Variants in CFAP20DC observed in about 807,000 individuals in gnomAD.
CFAP20DC encodes protein CFAP20DC.
CFAP20DC carries 84 observed loss-of-function variants against 101.7 expected under a neutral mutation model. That is an observed-to-expected ratio of 0.83 (90% confidence interval 0.69 to 0.99). The LOEUF is 0.99. CFAP20DC is among the 50% of genes least tolerant of loss of function. The pLI, the probability that CFAP20DC is intolerant of heterozygous loss-of-function variation, is 0.00. For missense variants in CFAP20DC, 1,007 were observed against 970.3 expected (o/e 1.04, Z -0.50); for synonymous variants, 359 against 351.2 (o/e 1.02, Z -0.25).
At chr3:58,850,350 G>T (rs1362135720) in intron 12 of CFAP20DC, among the ~76,000 whole-genome samples, 1 of 152,030 alleles carries the variant, frequency 6.6e-6, no homozygotes. Context: ...ACTTTCAGAG[G>T]CCAAGGCAGG....
At chr3:58,870,348 G>T (rs761357782) in intron 7 of CFAP20DC, 39 bp from the exon 8 acceptor site, 47 of 1,593,278 alleles carry the variant, frequency 2.9e-5, no homozygotes, top group Admixed American at 1.0e-4. Context: ...TCCATTAATG[G>T]GTGTAATGAC....
At chr3:58,840,177 A>G (rs1463964377) in intron 13 of CFAP20DC, among the ~76,000 whole-genome samples, 1 of 152,238 alleles carries the variant, frequency 6.6e-6, no homozygotes, top group African/African-American at 2.4e-5. Context: ...CCAGCAGTGC[A>G]TTGACAGATA....
chr3:59,005,884 A>G (rs905698972), intron 4 of CFAP20DC, among the ~76,000 whole-genome samples: 1 of 152,222 alleles, frequency 6.6e-6, no homozygotes, highest in African/African-American at 2.4e-5. Flanking sequence ...CATTTACAAA[A>G]TATCCTAGAT....
chr3:58,987,171 A>C lies in CFAP20DC; in HGVS notation c.279-49409T>G, dbSNP rs776927846. 2.0e-5 allele frequency among the ~76,000 whole-genome samples: 3 copies of C among 152,152 alleles called. No individual in the cohort carries two copies. In the South Asian group the frequency reaches 6.2e-4, roughly 31 times the overall value. On this transcript the variant is annotated intron_variant, in intron 4 of 16. Transcript: ENST00000482387. The stretch of plus-strand genomic sequence containing the variant: ...AGAAACAAGGAGATGGATGGGATAC[A>C]ACTGGAGTTAAAGCTTTCTTAGGTA...
Position 58,988,265 on chromosome 3 carries a change from C to A in CFAP20DC, c.279-50503G>T, listed in dbSNP as rs560460023. 2.6e-5 allele frequency among the ~76,000 whole-genome samples: 4 copies of A among 152,138 alleles called. No individual in the cohort carries two copies. In the East Asian group the frequency reaches 7.7e-4, roughly 29 times the overall value. On this transcript the variant is annotated intron_variant, in intron 4 of 16. Transcript: ENST00000482387. ...TTCAACACCCATGAATAATAACAAG[C>A]TTTAGCAAACTAGAAAAGTAAGCAC...
chr3:58,968,043 G>A (rs1216710273), intron 4 of CFAP20DC, among the ~76,000 whole-genome samples: 2 of 152,138 alleles, frequency 1.3e-5, no homozygotes, highest in Non-Finnish European at 2.9e-5. Context: ...ACATGATCTT[G>A]TTCTTTTTTA....
chr3:58,855,819 A>C (rs1357120142), intron 12 of CFAP20DC, among the ~76,000 whole-genome samples: 1 of 120,208 alleles, frequency 8.3e-6, no homozygotes, highest in African/African-American at 3.3e-5. Context: ...GGAACATCAC[A>C]GTCTGGGGAC....
chr3:59,022,593 A>G (rs1254631237), intron 4 of CFAP20DC, among the ~76,000 whole-genome samples: 1 of 152,128 alleles, frequency 6.6e-6, no homozygotes, highest in Admixed American at 6.6e-5. Flanking sequence ...AGAGAATGGT[A>G]ATGTCTATGT....
chr3:58,855,438 A>T (rs1333431937), intron 12 of CFAP20DC, among the ~76,000 whole-genome samples: 1 of 152,156 alleles, frequency 6.6e-6, no homozygotes, highest in African/African-American at 2.4e-5. Flanking sequence ...GCGATTCCTC[A>T]GGGATCTAGA....
rs370112571 is a variant in CFAP20DC, at chr3:59,010,392, G to A, written c.278+29165C>T. On this transcript the variant is annotated intron_variant, in intron 4 of 16. Coordinates refer to ENST00000482387, the MANE Select transcript of CFAP20DC (RefSeq NM_001394063.1). Reference sequence around the variant, plus strand: ...TATTCCATGTAAATGGAAACCAAAAGCAAGCAGAAGTAGCTATTCTTTTAT... The same window carrying A: ...TATTCCATGTAAATGGAAACCAAAAACAAGCAGAAGTAGCTATTCTTTTAT... Among the ~76,000 whole-genome samples, 5 of 151,996 alleles carry A rather than the reference G, an allele frequency of 3.3e-5. No individual in the cohort carries two copies. The East Asian group carries it at 5.8e-4, about 18-fold the overall frequency.
At chr3:58,852,502 A>G (rs2078341691) in intron 12 of CFAP20DC, among the ~76,000 whole-genome samples, 1 of 152,140 alleles carries the variant, frequency 6.6e-6, no homozygotes. Flanking sequence ...ATAGACATCT[A>G]CAGAACTCTC....
At chr3:58,933,690 T>G (rs1179581540) in intron 5 of CFAP20DC, among the ~76,000 whole-genome samples, 1 of 151,604 alleles carries the variant, frequency 6.6e-6, no homozygotes, top group East Asian at 1.9e-4. Flanking sequence ...CATAATGAAA[T>G]GAAGGCAGAA....
chr3:59,020,982 C>T (rs2093792629), intron 4 of CFAP20DC, among the ~76,000 whole-genome samples: 1 of 151,922 alleles, frequency 6.6e-6, no homozygotes, highest in Non-Finnish European at 1.5e-5. Context: ...TATTTGTGAC[C>T]CCAAACATCT....
chr3:58,763,571 T>C (rs980158439), intron 15 of CFAP20DC, among the ~76,000 whole-genome samples: 3 of 152,242 alleles, frequency 2.0e-5, no homozygotes, highest in African/African-American at 7.2e-5. Flanking sequence ...CTTTGTTCCG[T>C]TGCTGGTGAG....
At chr3:58,986,626 C>A (rs1430887863) in intron 4 of CFAP20DC, among the ~76,000 whole-genome samples, 1 of 152,072 alleles carries the variant, frequency 6.6e-6, no homozygotes, top group Non-Finnish European at 1.5e-5. Flanking sequence ...GTCCTTAAGA[C>A]CAAACCATGT....
intron 4 of CFAP20DC, among the ~76,000 whole-genome samples, chr3:58,986,529 T>C (rs935303735): frequency 6.6e-6 from 1 of 151,946 alleles, no homozygotes. Flanking sequence ...AAAAACAAAC[T>C]AGCAAAAAAT....
At chr3:58,752,670 A>G (rs895571961) in intron 16 of CFAP20DC, among the ~76,000 whole-genome samples, 54 of 152,114 alleles carry the variant, frequency 3.5e-4, no homozygotes, top group African/African-American at 1.3e-3. Context: ...GCACACCTCT[A>G]AAAAGATTCC....
chr3:58,879,922 T>C (rs1285426271), intron 7 of CFAP20DC, among the ~76,000 whole-genome samples: 1 of 152,114 alleles, frequency 6.6e-6, no homozygotes, highest in Admixed American at 6.5e-5. Flanking sequence ...TAACTATACA[T>C]AGACTTTCTT....
chr3:58,863,811 G>A lies in CFAP20DC; in HGVS notation c.1340C>T (p.Ser447Phe). 2 of 1,614,150 alleles carry A rather than the reference G, an allele frequency of 1.2e-6. No individual in the cohort carries two copies. Among genetic ancestry groups the A allele is most frequent in the South Asian group, 2.2e-5 (2 of 91,086 alleles). ...CAGCCACAGGTGTGATGGGTTGCAG[G>A]AGTCATCACCCAGAAGTAGAGACTG... is the stretch of plus-strand genomic sequence containing the variant. ...SRQSLLLGDD[S>F]CNPSHLWLEA... The change falls in exon 12 of 17, where the codon TCC becomes TTC. Residue 447 changes from serine (S) to phenylalanine (F), a missense_variant. Transcript: ENST00000482387. The surrounding 1 kb of genome is among the most constrained non-coding windows in gnomAD (Gnocchi z 5.9).
Sources: gnomAD v4.1 joint callset for allele counts (sites outside exome capture counted in the v4.1 genomes callset) on GRCh38, gnomAD v4.1.1 for gene constraint, Gnocchi (gnomAD v3.1) non-coding constraint, MANE v1.5 for transcripts, NCBI Gene and HGNC (gene_info 2026-07-23, HGNC 2026-07-21) for gene names.